CFAP210: variants seen among roughly 807,000 people sequenced by gnomAD.
The protein encoded by CFAP210 is cilia and flagella associated protein 210.
chr2:169,655,405 T>G, the CFAP210 span, among the ~76,000 whole-genome samples: 2 of 152,256 alleles, frequency 1.3e-5, no homozygotes, highest in African/African-American at 4.8e-5. Context: ...TGCCCAGCAC[T>G]CTTAACTAAT....
the CFAP210 span, among the ~76,000 whole-genome samples, chr2:169,647,548 T>C: frequency 1.5e-5 from 2 of 134,830 alleles, no homozygotes; most frequent in Non-Finnish European, 3.2e-5. Flanking sequence ...GCAAAAAAAA[T>C]CAAGTATTCT....
At chr2:169,649,758 G>C in the CFAP210 span, among the ~76,000 whole-genome samples, 6 of 151,848 alleles carry the variant, frequency 4.0e-5, no homozygotes, top group Non-Finnish European at 5.9e-5. Context: ...ATGGAGAAAC[G>C]CTGTCTCTAC....
the CFAP210 span, among the ~76,000 whole-genome samples, chr2:169,690,960 T>C: frequency 6.6e-6 from 1 of 152,206 alleles, no homozygotes; most frequent in Non-Finnish European, 1.5e-5. Flanking sequence ...TGGAAAGCTT[T>C]TGGCCATTAA....
At chr2:169,690,218 T>C in the CFAP210 span, among the ~76,000 whole-genome samples, 1 of 152,222 alleles carries the variant, frequency 6.6e-6, no homozygotes, top group Non-Finnish European at 1.5e-5. Context: ...TAAAGGATAA[T>C]GATCTATAGT....
At chr2:169,646,681 T>G in the CFAP210 span, among the ~76,000 whole-genome samples, 1 of 152,300 alleles carries the variant, frequency 6.6e-6, no homozygotes. Context: ...AAATTTAAAA[T>G]TGGAACAGTG....
chr2:169,673,074 A>G, the CFAP210 span, among the ~76,000 whole-genome samples: 2 of 152,192 alleles, frequency 1.3e-5, no homozygotes, highest in African/African-American at 2.4e-5. Flanking sequence ...CCACCATGAG[A>G]AGTAAGTAAA....
the CFAP210 span, among the ~76,000 whole-genome samples, chr2:169,647,921 G>A: frequency 6.6e-6 from 1 of 152,004 alleles, no homozygotes; most frequent in African/African-American, 2.4e-5. Flanking sequence ...TTGGGAGGCC[G>A]AAGCCAAGGT....
At chr2:169,654,268 C>A in the CFAP210 span, 1 of 1,447,238 alleles carries the variant, frequency 6.9e-7, no homozygotes, top group South Asian at 1.4e-5. Context: ...TATCTTTCAA[C>A]ATATCAGTAG....
the CFAP210 span, chr2:169,681,080 G>A: frequency 6.2e-7 from 1 of 1,613,724 alleles, no homozygotes; most frequent in South Asian, 1.1e-5. Context: ...CTTTCTTTCT[G>A]CACGGAGGCA....
chr2:169,648,459 T>C, the CFAP210 span, among the ~76,000 whole-genome samples: 1 of 152,116 alleles, frequency 6.6e-6, no homozygotes, highest in African/African-American at 2.4e-5. Context: ...ATGTTATGTA[T>C]ATTTTACCAC....
At chr2:169,652,355 C>A in the CFAP210 span, among the ~76,000 whole-genome samples, 2 of 152,056 alleles carry the variant, frequency 1.3e-5, no homozygotes, top group African/African-American at 4.8e-5. Flanking sequence ...GGTAGAATTC[C>A]AAAAAATAGT....
At chr2:169,677,645 A>C in the CFAP210 span, among the ~76,000 whole-genome samples, 37 of 152,226 alleles carry the variant, frequency 2.4e-4, no homozygotes, top group Non-Finnish European at 5.9e-5. Flanking sequence ...CTTTTTCCCC[A>C]AAGTCAGGAA....
the CFAP210 span, among the ~76,000 whole-genome samples, chr2:169,652,991 C>A: frequency 7.7e-5 from 5 of 64,794 alleles, no homozygotes; most frequent in Non-Finnish European, 1.4e-4. Flanking sequence ...CAGAGCAAGA[C>A]TCCGTCTCAA....
the CFAP210 span, among the ~76,000 whole-genome samples, chr2:169,646,696 A>G: frequency 6.6e-6 from 1 of 152,226 alleles, no homozygotes; most frequent in Non-Finnish European, 1.5e-5. Flanking sequence ...ACAGTGAGTG[A>G]CATTTATCAA....
At chr2:169,655,843 T>A in the CFAP210 span, among the ~76,000 whole-genome samples, 1 of 152,026 alleles carries the variant, frequency 6.6e-6, no homozygotes, top group Non-Finnish European at 1.5e-5. Context: ...ATAGCTAAAA[T>A]AAAAAAATTA....
the CFAP210 span, chr2:169,645,543 G>A: frequency 3.7e-5 from 10 of 269,772 alleles, no homozygotes; most frequent in South Asian, 5.8e-4. Context: ...GGGGTTTCTA[G>A]TAAGAGCACT....
the CFAP210 span, among the ~76,000 whole-genome samples, chr2:169,657,782 A>G: frequency 6.6e-6 from 1 of 152,208 alleles, no homozygotes; most frequent in Non-Finnish European, 1.5e-5. Context: ...TGTCAGATGA[A>G]GATCATCAAT....
the CFAP210 span, among the ~76,000 whole-genome samples, chr2:169,683,727 TC>T: frequency 2.6e-5 from 4 of 152,214 alleles, no homozygotes; most frequent in African/African-American, 9.6e-5. Flanking sequence ...GTGTGATCCC[TC>T]CTGTTTGACA....
chr2:169,650,018 T>C, the CFAP210 span, among the ~76,000 whole-genome samples: 1 of 152,046 alleles, frequency 6.6e-6, no homozygotes, highest in African/African-American at 2.4e-5. Flanking sequence ...GAAACAGAAA[T>C]GTATAATTTT....
Sources: gnomAD v4.1 joint callset for allele counts (sites outside exome capture counted in the v4.1 genomes callset) on GRCh38, gnomAD v4.1.1 for gene constraint, MANE v1.5 for transcripts, NCBI Gene and HGNC (gene_info 2026-07-23, HGNC 2026-07-21) for gene names.